The following ARFGEF1 variants were observed in gnomAD, a reference collection of about 807,000 sequenced individuals.
ARFGEF1 encodes the protein brefeldin A-inhibited guanine nucleotide-exchange protein 1.
Under a neutral mutation model 231.0 loss-of-function variants are expected in ARFGEF1, and 42 were observed. The observed-to-expected ratio is 0.18, with a 90% confidence interval of 0.14 to 0.24. The LOEUF is 0.24. ARFGEF1 is among the 10% of genes least tolerant of loss of function. The probability of loss-of-function intolerance (pLI) is 1.00; values close to 1 mark genes in which losing one functional copy is unlikely to be tolerated. For missense variants in ARFGEF1, 1,345 were observed against 2,192.0 expected (o/e 0.61, Z 7.72); for synonymous variants, 710 against 732.3 (o/e 0.97, Z 0.49).
At chr8:67,310,927 G>A (rs1434577761) in intron 1 of ARFGEF1, among the ~76,000 whole-genome samples, 2 of 149,970 alleles carry the variant, frequency 1.3e-5, no homozygotes, top group Non-Finnish European at 3.0e-5. Flanking sequence ...GAAGTGAGGA[G>A]CCTCTCCGCC....
chr8:67,271,383 C>T (rs58715460), intron 10 of ARFGEF1, among the ~76,000 whole-genome samples: 6 of 151,844 alleles, frequency 4.0e-5, no homozygotes, highest in Admixed American at 2.6e-4. Context: ...CAAATGTATT[C>T]GAATATACCA....
chr8:67,208,629 C>CAAAAAAAAAAAAAAAAAAAAA (rs1226322166), intron 34 of ARFGEF1, among the ~76,000 whole-genome samples: 1 of 50,540 alleles, frequency 2.0e-5, no homozygotes, highest in Non-Finnish European at 4.6e-5. Flanking sequence ...GACTCCATCT[C>CAAAAAAAAAAAAAAAAAAAAA]AAAAAAAAAA....
At chr8:67,192,344 G>C (rs1198734153) in intron 5 of ARFGEF1, among the ~76,000 whole-genome samples, 2 of 152,136 alleles carry the variant, frequency 1.3e-5, no homozygotes, top group African/African-American at 4.8e-5. Context: ...CAGAGTGCTA[G>C]GATTACAGGC....
At chr8:67,174,426 T>C (rs968160455), downstream of ARFGEF1, 5 of 152,188 alleles carry the variant, frequency 3.3e-5, no homozygotes, top group Admixed American at 6.5e-5. Flanking sequence ...TTTTCAAGGC[T>C]TTTTATATGT....
intron 7 of ARFGEF1, among the ~76,000 whole-genome samples, chr8:67,282,857 AAAAG>A (rs1458009204): frequency 1.2e-4 from 18 of 151,914 alleles, no homozygotes; most frequent in Admixed American, 3.9e-4. Flanking sequence ...CAAAAAAAAA[AAAAG>A]AAAGAAAGAA....
At chr8:67,284,060 C>T (rs942439229) in intron 7 of ARFGEF1, among the ~76,000 whole-genome samples, 4 of 152,018 alleles carry the variant, frequency 2.6e-5, no homozygotes, top group Admixed American at 2.6e-4. Context: ...TTTGTAACAG[C>T]AAAACACTGG....
At chr8:67,208,040 TGA>T (rs1838583831) in intron 34 of ARFGEF1, among the ~76,000 whole-genome samples, 1 of 152,286 alleles carries the variant, frequency 6.6e-6, no homozygotes, top group South Asian at 2.1e-4. Context: ...GTCTTGAGGC[TGA>T]GAGTGAGAAA....
intron 20 of ARFGEF1, among the ~76,000 whole-genome samples, chr8:67,239,404 T>A (rs1045221041): frequency 6.6e-6 from 1 of 152,186 alleles, no homozygotes; most frequent in Non-Finnish European, 1.5e-5. Context: ...GAATTACATA[T>A]AATTCCACAA....
intron 5 of ARFGEF1, among the ~76,000 whole-genome samples, chr8:67,185,107 A>AAAAAAAAAAAC (rs1834182049): frequency 6.6e-6 from 1 of 150,408 alleles, no homozygotes; most frequent in Non-Finnish European, 1.5e-5. Context: ...TCCGTCTCAA[A>AAAAAAAAAAAC]AAAAAAAAAA....
intron 38 of ARFGEF1, 56 bp from the exon 39 acceptor site, chr8:67,199,154 A>G: frequency 6.3e-7 from 1 of 1,577,248 alleles, no homozygotes; most frequent in Non-Finnish European, 8.5e-7. Context: ...AGAGCCTTAA[A>G]CTGCCTAGAG....
chr8:67,204,620 G>A, intron 35 of ARFGEF1, 60 bp downstream of exon 35: 2 of 1,547,482 alleles, frequency 1.3e-6, no homozygotes, highest in Non-Finnish European at 1.7e-6. Context: ...CTACAGCCCA[G>A]ACTGCTATAC....
At chr8:67,212,032 T>G (rs1398082583) in intron 33 of ARFGEF1, among the ~76,000 whole-genome samples, 1 of 150,928 alleles carries the variant, frequency 6.6e-6, no homozygotes, top group Non-Finnish European at 1.5e-5. Context: ...GAAGAGATGC[T>G]GGACCCTGGA....
chr8:67,300,212 A>G (rs1273234425), intron 3 of ARFGEF1, among the ~76,000 whole-genome samples: 2 of 152,198 alleles, frequency 1.3e-5, no homozygotes, highest in African/African-American at 4.8e-5. Context: ...TTTCCAGTGA[A>G]AACAAGATCA....
chr8:67,224,801 G>A lies in ARFGEF1; in HGVS notation c.4208+102C>T, dbSNP rs576265514. 45 of 742,328 alleles carry A rather than the reference G, an allele frequency of 6.1e-5. No individual in the cohort carries two copies. The African/African-American group carries it at 8.0e-4, about 13-fold the overall frequency. 46.0% of individuals were successfully genotyped at this position (742,328 alleles called of 1,614,324 possible). ...AATTAATATATTTGACAAAACACTTGATTTTATGGTCTTTAACTGTGAGAT... is the reference window on the plus strand; with the variant it reads ...AATTAATATATTTGACAAAACACTTAATTTTATGGTCTTTAACTGTGAGAT... On this transcript the variant is annotated intron_variant, in intron 29 of 38. Transcript: ENST00000262215.
intron 35 of ARFGEF1, among the ~76,000 whole-genome samples, chr8:67,204,399 C>T (rs1046000440): frequency 4.6e-5 from 7 of 152,146 alleles, no homozygotes; most frequent in Non-Finnish European, 1.0e-4. Flanking sequence ...CCTGCTTCCC[C>T]GTGCCTCCCC....
At chr8:67,277,506 A>T in intron 7 of ARFGEF1, 49 bp from the exon 8 acceptor site, 2 of 1,542,068 alleles carry the variant, frequency 1.3e-6, no homozygotes, top group South Asian at 2.3e-5. Flanking sequence ...ACTTAACCGA[A>T]GTGTATTTAA....
chr8:67,301,123 A>G, intron 3 of ARFGEF1, 101 bp downstream of exon 3: 3 of 1,166,522 alleles, frequency 2.6e-6, no homozygotes, highest in Non-Finnish European at 3.5e-6. Context: ...AAAAAAGAGT[A>G]TTCAAAGCTT....
intron 1 of ARFGEF1, among the ~76,000 whole-genome samples, chr8:67,339,542 C>T (rs924951270): frequency 1.3e-5 from 2 of 152,050 alleles, no homozygotes; most frequent in African/African-American, 2.4e-5. Flanking sequence ...TACCTTCAAG[C>T]CCAATCCCAC....
At chr8:67,331,999 TAAAA>T (rs1203368792) in intron 1 of ARFGEF1, among the ~76,000 whole-genome samples, 1 of 150,714 alleles carries the variant, frequency 6.6e-6, no homozygotes, top group Non-Finnish European at 1.5e-5. Flanking sequence ...GGGATTAATT[TAAAA>T]AAAAAATCTG....
Sources: gnomAD v4.1 joint callset for allele counts (sites outside exome capture counted in the v4.1 genomes callset) on GRCh38, gnomAD v4.1.1 for gene constraint, MANE v1.5 for transcripts, NCBI Gene and HGNC (gene_info 2026-07-23, HGNC 2026-07-21) for gene names.